Variants in RNF115 observed in about 807,000 individuals in gnomAD.
RNF115 encodes the protein ring finger protein 115, also known as E3 ubiquitin-protein ligase RNF115.
Under a neutral mutation model 39.2 loss-of-function variants are expected in RNF115, and 31 were observed. The ratio of observed to expected loss-of-function variants is 0.79; its 90% confidence interval spans 0.59 to 1.07. The LOEUF (loss-of-function observed/expected upper bound fraction) is 1.07. Among genes scored for constraint, RNF115 ranks in the 50% least tolerant of loss-of-function variants. The pLI is 0.00. For synonymous variants in RNF115, 124 were observed against 131.0 expected (o/e 0.95, Z 0.37); for missense variants, 384 against 381.7 (o/e 1.01, Z -0.05).
intron 1 of RNF115, among the ~76,000 whole-genome samples, chr1:145,792,823 A>G (rs932610266): frequency 6.6e-6 from 1 of 152,194 alleles, no homozygotes; most frequent in African/African-American, 2.4e-5. Flanking sequence ...TTAACTATTA[A>G]TATCGACTTT....
chr1:145,765,134 T>G (rs1486946920), intron 4 of RNF115, among the ~76,000 whole-genome samples: 1 of 152,188 alleles, frequency 6.6e-6, no homozygotes, highest in Non-Finnish European at 1.5e-5. Flanking sequence ...AACCCTGTGC[T>G]CTCTGAAACA....
chr1:145,790,290 A>AACACC (rs1373175104), intron 1 of RNF115, among the ~76,000 whole-genome samples: 3 of 149,110 alleles, frequency 2.0e-5, no homozygotes, highest in Non-Finnish European at 4.5e-5. Flanking sequence ...ACAGGCATGC[A>AACACC]ACACCACGCC....
intron 4 of RNF115, among the ~76,000 whole-genome samples, chr1:145,768,724 A>T (rs587739345): frequency 6.6e-6 from 1 of 152,348 alleles, no homozygotes; most frequent in South Asian, 2.1e-4. Context: ...TCTCAAAGCA[A>T]GAGGACAAAA....
chr1:145,763,614 G>T (rs1290224084), intron 4 of RNF115, among the ~76,000 whole-genome samples: 1 of 152,094 alleles, frequency 6.6e-6, no homozygotes, highest in Non-Finnish European at 1.5e-5. Flanking sequence ...CAGGAGAATT[G>T]CTTGAACCTG....
intron 1 of RNF115, among the ~76,000 whole-genome samples, chr1:145,798,046 T>C (rs1041736788): frequency 9.9e-5 from 15 of 152,212 alleles, no homozygotes; most frequent in Non-Finnish European, 1.9e-4. Context: ...TGGATATTAA[T>C]ACTTTAACAG....
intron 1 of RNF115, among the ~76,000 whole-genome samples, chr1:145,802,843 C>T (rs1001318843): frequency 2.0e-5 from 3 of 152,184 alleles, no homozygotes; most frequent in Non-Finnish European, 4.4e-5. Context: ...AGCTCCTAGG[C>T]CAGTACCCAC....
chr1:145,817,556 TG>T lies in RNF115; in HGVS notation c.102+6215del, dbSNP rs201153155. Among the ~76,000 whole-genome samples, 905 of 144,932 alleles carry T rather than the reference TG, an allele frequency of 6.2e-3. 1 individual carries two copies. Among genetic ancestry groups the T allele is most frequent in the African/African-American group, 0.021 (856 of 40,628 alleles). On this transcript the variant is annotated intron_variant, in intron 1 of 8. Coordinates refer to ENST00000582693, the MANE Select transcript of RNF115 (RefSeq NM_014455.4). The stretch of plus-strand genomic sequence containing the variant: ...AGCCTTTTTATATATTGACTATAAA[TG>T]GTTTTTAGGTTTTAGGTCCTTCATT...
chr1:145,822,778 G>A (rs1650338436), intron 1 of RNF115, among the ~76,000 whole-genome samples: 1 of 132,744 alleles, frequency 7.5e-6, no homozygotes. Context: ...TGTTTTTGTA[G>A]AGAGGGGTCT....
intron 3 of RNF115, among the ~76,000 whole-genome samples, chr1:145,777,448 ACAGT>A (rs762638888): frequency 6.6e-6 from 1 of 152,176 alleles, no homozygotes; most frequent in Non-Finnish European, 1.5e-5. Context: ...ATTAATAGTA[ACAGT>A]CAATGTATTT....
intron 4 of RNF115, among the ~76,000 whole-genome samples, chr1:145,758,005 T>A (rs1251801086): frequency 6.6e-6 from 1 of 152,188 alleles, no homozygotes; most frequent in African/African-American, 2.4e-5. Context: ...ATTTTGCACA[T>A]AGAAGAAGTG....
chr1:145,766,992 G>T (rs782179927), intron 4 of RNF115, among the ~76,000 whole-genome samples: 1 of 135,328 alleles, frequency 7.4e-6, no homozygotes, highest in African/African-American at 3.1e-5. Flanking sequence ...GGGCAGAGGG[G>T]CTCCTCACTT....
At chr1:145,778,192 T>G (rs1647966148) in intron 3 of RNF115, among the ~76,000 whole-genome samples, 1 of 152,176 alleles carries the variant, frequency 6.6e-6, no homozygotes, top group South Asian at 2.1e-4. Flanking sequence ...TGGATGAACC[T>G]TGAAAACAGT....
In RNF115 at chr1:145,771,767, A is replaced by G; in HGVS notation, c.372T>C (p.Gly124=). ...WGARPPRLPL[G]RRYRSRGSSR... is the part of the protein sequence containing the mutation. ...AACTTCCTCGAGATCTGTATCTCCG[A>G]CCCAATGGCAACCGTGGAGGTCTTG... Residue 124 remains glycine, a synonymous_variant, in exon 4 of 9, where the codon GGT becomes GGC. Coordinates refer to ENST00000582693, the MANE Select transcript of RNF115 (RefSeq NM_014455.4). 1 of 1,614,164 alleles carries G rather than the reference A, an allele frequency of 6.2e-7. No homozygotes were observed. The highest frequency in any genetic ancestry group is 8.5e-7 in the Non-Finnish European group (1 of 1,180,022).
chr1:145,804,346 T>G (rs1649374072), intron 1 of RNF115, among the ~76,000 whole-genome samples: 1 of 152,212 alleles, frequency 6.6e-6, no homozygotes, highest in African/African-American at 2.4e-5. Context: ...CTTAGGTACT[T>G]AGCCTCGAAA....
chr1:145,795,720 G>A (rs1648947718), intron 1 of RNF115, among the ~76,000 whole-genome samples: 1 of 152,084 alleles, frequency 6.6e-6, no homozygotes, highest in Non-Finnish European at 1.5e-5. Flanking sequence ...GTGCTCTATG[G>A]TTCTTCCTGT....
intron 4 of RNF115, among the ~76,000 whole-genome samples, chr1:145,767,491 G>A (rs1209491871): frequency 6.6e-6 from 1 of 151,566 alleles, no homozygotes; most frequent in Non-Finnish European, 1.5e-5. Context: ...TTTCCAGACT[G>A]GGCAGCCAGG....
rs1553711991 is a variant in RNF115 at position 145,748,045 on chromosome 1, G to C, written c.733C>G (p.Pro245Ala). The change falls in exon 8 of 9, where the codon CCT becomes GCT. Residue 245 changes from proline to alanine, a missense_variant. By Grantham distance (27) the Pro-to-Ala change is conservative (BLOSUM62 -1). Coordinates refer to ENST00000582693, the MANE Select transcript of RNF115 (RefSeq NM_014455.4). Reference protein sequence around the residue: ...YTVEEEVRQLPCNHFFHSSCI... With the variant: ...YTVEEEVRQLACNHFFHSSCI... ...CTGCTGTGAAAGAAGTGATTGCAAG[G>C]TAACTGCCGGACTTCCTCTTCAACT... 2 of 1,613,900 alleles carry C rather than the reference G, an allele frequency of 1.2e-6. No homozygotes were observed. The highest frequency in any genetic ancestry group is 1.7e-6 in the Non-Finnish European group (2 of 1,179,810).
At chr1:145,771,254 G>A (rs1263414360) in intron 4 of RNF115, among the ~76,000 whole-genome samples, 2 of 152,150 alleles carry the variant, frequency 1.3e-5, no homozygotes, top group Admixed American at 1.3e-4. Flanking sequence ...CTAATAAAAG[G>A]ATGAGTGTGG....
At chr1:145,778,630 CTCA>C (rs1394396526) in intron 3 of RNF115, among the ~76,000 whole-genome samples, 1 of 152,150 alleles carries the variant, frequency 6.6e-6, no homozygotes, top group Non-Finnish European at 1.5e-5. Context: ...AAGGAAGATA[CTCA>C]TCACCCCGAA....
Sources: gnomAD v4.1 joint callset for allele counts (sites outside exome capture counted in the v4.1 genomes callset) on GRCh38, gnomAD v4.1.1 for gene constraint, MANE v1.5 for transcripts, NCBI Gene and HGNC (gene_info 2026-07-23, HGNC 2026-07-21) for gene names.